LIPA: variants seen among roughly 807,000 people sequenced by gnomAD.
LIPA encodes the protein lysosomal acid lipase/cholesteryl ester hydrolase.
LIPA carries 26 observed loss-of-function variants against 40.6 expected under a neutral mutation model. That is an observed-to-expected ratio of 0.64 (90% CI 0.47 to 0.89). The LOEUF (loss-of-function observed/expected upper bound fraction) is 0.89, where lower values mean the gene tolerates loss of function less well. LIPA is among the 40% of genes least tolerant of loss of function. LIPA has a pLI of 0.00. For missense variants in LIPA, 455 were observed against 479.6 expected (o/e 0.95, Z 0.48); for synonymous variants, 188 against 168.4 (o/e 1.12, Z -0.90).
intron 2 of LIPA, chr10:89,402,736 G>T (rs762002071): frequency 1.9e-6 from 3 of 1,614,078 alleles, no homozygotes; most frequent in African/African-American, 2.7e-5. Context: ...AAGTGTGGAG[G>T]AAAAAATTAT....
chr10:89,334,343 A>G (rs1263301079), intron 1 of LIPA, among the ~76,000 whole-genome samples: 1 of 151,258 alleles, frequency 6.6e-6, no homozygotes, highest in Non-Finnish European at 1.5e-5. Context: ...GTCATGGGAA[A>G]TCTCTTTCTG....
At position 89,394,592 on chromosome 10, in the gene LIPA, A is replaced by ATATATATTT. The variant is rs1210701118; in HGVS notation, c.61+18198_61+18199insAAATATATA. ...ACTACAGGAAAATATATATATATAT[A>ATATATATTT]TATATATATATATATATATATATAT... On this transcript the variant is annotated intron_variant, in intron 2 of 8. Coordinates refer to the LIPA transcript ENST00000371837. Among the ~76,000 whole-genome samples the ATATATATTT allele has an allele frequency of 5.5e-3, 92 of 16,816 alleles. 1 individual carries two copies. The highest frequency in any genetic ancestry group is 0.02 in the African/African-American group (59 of 3,000). The allele number at this position is 16,816 out of a possible 152,430, so 11.0% of individuals were successfully genotyped here. A position where few individuals can be genotyped will look rare whatever the true frequency, so the allele number is the denominator to read the frequency against.
intron 2 of LIPA, among the ~76,000 whole-genome samples, chr10:89,377,503 G>T (rs1185920009): frequency 2.0e-5 from 3 of 152,232 alleles, no homozygotes; most frequent in Admixed American, 2.0e-4. Context: ...GATGTAACCA[G>T]TATGGGACCC....
At chr10:89,237,303 T>G (rs1465291051) in intron 3 of LIPA, among the ~76,000 whole-genome samples, 2 of 152,032 alleles carry the variant, frequency 1.3e-5, no homozygotes, top group African/African-American at 4.8e-5. Context: ...TTAATTAATT[T>G]TAAGAATTAA....
At chr10:89,383,837 C>G in intron 2 of LIPA, 1 of 1,614,186 alleles carries the variant, frequency 6.2e-7, no homozygotes, top group Non-Finnish European at 8.5e-7. Flanking sequence ...CCTGAAAACC[C>G]TGAATTCAAT....
At chr10:89,222,269 A>G (rs1842709271) in intron 8 of LIPA, among the ~76,000 whole-genome samples, 1 of 152,188 alleles carries the variant, frequency 6.6e-6, no homozygotes, top group African/African-American at 2.4e-5. Flanking sequence ...TGAGGAAGGG[A>G]GAGGAGGGAA....
chr10:89,357,919 T>A (rs2133590172), intron 2 of LIPA, among the ~76,000 whole-genome samples: 1 of 152,326 alleles, frequency 6.6e-6, no homozygotes, highest in Admixed American at 6.5e-5. Context: ...TACACATTCC[T>A]CTTTTCCTGT....
At chr10:89,331,391 T>G (rs1303380837) in intron 1 of LIPA, among the ~76,000 whole-genome samples, 1 of 152,170 alleles carries the variant, frequency 6.6e-6, no homozygotes, top group Non-Finnish European at 1.5e-5. Context: ...CAGGTTGGTC[T>G]TGAACTCCTG....
At chr10:89,292,587 A>G (rs956545400) in intron 1 of LIPA, 11 of 152,224 alleles carry the variant, frequency 7.2e-5, no homozygotes, top group African/African-American at 2.7e-4. Flanking sequence ...TGTGCCAAGC[A>G]CTGTTCTCAG....
intron 3 of LIPA, among the ~76,000 whole-genome samples, chr10:89,243,286 A>G (rs1394116247): frequency 6.6e-6 from 1 of 152,244 alleles, no homozygotes; most frequent in Admixed American, 6.5e-5. Context: ...GAAAGCGCCT[A>G]TGCAGTTCTT....
intron 1 of LIPA, among the ~76,000 whole-genome samples, chr10:89,278,965 C>T (rs2133497093): frequency 6.6e-6 from 1 of 152,032 alleles, no homozygotes. Flanking sequence ...ATAATGGAAA[C>T]ATACAGAATG....
At chr10:89,257,223 G>A (rs942560824) in intron 1 of LIPA, among the ~76,000 whole-genome samples, 1 of 152,184 alleles carries the variant, frequency 6.6e-6, no homozygotes, top group Non-Finnish European at 1.5e-5. Context: ...TGAATTTCAG[G>A]CATATGTGTG....
intron 2 of LIPA, among the ~76,000 whole-genome samples, chr10:89,361,598 A>C (rs1844021935): frequency 6.6e-6 from 1 of 152,166 alleles, no homozygotes; most frequent in Non-Finnish European, 1.5e-5. Context: ...AACCTATCTA[A>C]CTGCATTAGT....
chr10:89,409,342 T>C (rs1266782298), intron 2 of LIPA, among the ~76,000 whole-genome samples: 1 of 152,134 alleles, frequency 6.6e-6, no homozygotes, highest in Non-Finnish European at 1.5e-5. Flanking sequence ...CAAACCTTGG[T>C]GGTTCAGAGA....
At chr10:89,315,176 T>A (rs1347839472) in intron 1 of LIPA, among the ~76,000 whole-genome samples, 1 of 152,204 alleles carries the variant, frequency 6.6e-6, no homozygotes, top group Non-Finnish European at 1.5e-5. Flanking sequence ...TGGGACCCTC[T>A]AAAGCACGGG....
At chr10:89,392,466 T>TCCCCCCCCTCCCCCCCC (rs759696601) in intron 2 of LIPA, 1 of 287,476 alleles carries the variant, frequency 3.5e-6, no homozygotes, top group African/African-American at 3.6e-5. Flanking sequence ...AAAGTTTCAT[T>TCCCCCCCCTCCCCCCCC]CCCCACCCCC....
At chr10:89,395,181 C>A (rs1844323226) in intron 2 of LIPA, among the ~76,000 whole-genome samples, 1 of 149,560 alleles carries the variant, frequency 6.7e-6, no homozygotes, top group Non-Finnish European at 1.5e-5. Context: ...CCCACTGACC[C>A]CACCCCCACC....
intron 1 of LIPA, chr10:89,306,281 C>G (rs201921113): frequency 6.2e-7 from 1 of 1,613,998 alleles, no homozygotes; most frequent in South Asian, 1.1e-5. Flanking sequence ...TCACATGGGC[C>G]GACTCTCAGA....
intron 2 of LIPA, among the ~76,000 whole-genome samples, chr10:89,412,233 C>T (rs1273697093): frequency 1.3e-5 from 2 of 152,294 alleles, no homozygotes; most frequent in South Asian, 4.1e-4. Context: ...GCTGGCTGGG[C>T]TTCTGGGTCA....
Sources: allele counts gnomAD v4.1 joint callset (sites outside exome capture counted in the v4.1 genomes callset), GRCh38; gene constraint gnomAD v4.1.1; transcripts MANE v1.5; gene names NCBI Gene and HGNC (gene_info 2026-07-23, HGNC 2026-07-21).